ANKRD28: variants seen among roughly 807,000 people sequenced by gnomAD.
The protein encoded by ANKRD28 is ankyrin repeat domain 28, also known as serine/threonine-protein phosphatase 6 regulatory ankyrin repeat subunit A.
A neutral mutation model predicts 126.5 loss-of-function variants in ANKRD28; 44 were observed. The observed-to-expected ratio is 0.35, with a 90% CI of 0.27 to 0.45. ANKRD28 has a LOEUF of 0.45. Ranked by LOEUF, ANKRD28 falls within the 20% of genes least tolerant of loss-of-function variation. The probability of loss-of-function intolerance (pLI) is 1.00; values close to 1 mark genes in which losing one functional copy is unlikely to be tolerated. For synonymous variants in ANKRD28, 442 were observed against 468.5 expected, an observed-to-expected ratio of 0.94 and a Z score of 0.73; for missense variants, 1,110 against 1,316.6, an observed-to-expected ratio of 0.84 and a Z score of 2.43.
chr3:15,729,559 A>C (rs2074423553), intron 6 of ANKRD28, among the ~76,000 whole-genome samples: 1 of 152,242 alleles, frequency 6.6e-6, no homozygotes, highest in Non-Finnish European at 1.5e-5. Flanking sequence ...CAAGGCCAAG[A>C]GCAGCATAGA....
At chr3:15,697,317 T>C (rs569199445) in intron 14 of ANKRD28, 1 of 152,924 alleles carries the variant, frequency 6.5e-6, no homozygotes, top group African/African-American at 2.4e-5. Context: ...TATGTAGTCT[T>C]TTATCCATCA....
intron 4 of ANKRD28, among the ~76,000 whole-genome samples, chr3:15,745,568 A>G (rs757907784): frequency 6.6e-6 from 1 of 152,032 alleles, no homozygotes; most frequent in African/African-American, 2.4e-5. Flanking sequence ...ATTGCTCTAT[A>G]TATCTATTTT....
intron 4 of ANKRD28, 59 bp from the exon 5 acceptor site, chr3:15,737,292 T>C (rs2075080569): frequency 1.4e-6 from 2 of 1,435,582 alleles, no homozygotes; most frequent in Non-Finnish European, 1.9e-6. Flanking sequence ...AAATTATTTC[T>C]ATATATAGTG....
At chr3:15,767,045 T>C (rs2058772354) in intron 2 of ANKRD28, among the ~76,000 whole-genome samples, 1 of 152,188 alleles carries the variant, frequency 6.6e-6, no homozygotes, top group Non-Finnish European at 1.5e-5. Context: ...AATTTTAAGT[T>C]TTTTCTTAAC....
Position 15,700,642 on chromosome 3 carries a change from C to T in ANKRD28, c.1548-4397G>A, listed in dbSNP as rs146421501. On this transcript the variant is annotated intron_variant, in intron 14 of 27. Transcript: ENST00000683139. ...TACAAAAATTAGCTGGGTGTGGTGG[C>T]GGGCGCCTGTAGTCCCAGCTACTCG... is the stretch of plus-strand genomic sequence containing the variant. 1.4e-3 allele frequency among the ~76,000 whole-genome samples: 206 copies of T among 151,942 alleles called. 1 individual carries two copies. Among genetic ancestry groups the T allele is most frequent in the Non-Finnish European group, 1.6e-3 (108 of 67,940 alleles).
intron 4 of ANKRD28, among the ~76,000 whole-genome samples, chr3:15,742,365 T>C (rs1187627430): frequency 6.8e-6 from 1 of 146,920 alleles, no homozygotes; most frequent in Non-Finnish European, 1.5e-5. Flanking sequence ...TCGTCTGAGA[T>C]GTGGGGAGCG....
At chr3:15,834,076 T>G (rs989592029) in intron 1 of ANKRD28, among the ~76,000 whole-genome samples, 1 of 152,174 alleles carries the variant, frequency 6.6e-6, no homozygotes, top group Non-Finnish European at 1.5e-5. Context: ...TGTGAAAGCT[T>G]TTTTAAAATT....
intron 1 of ANKRD28, among the ~76,000 whole-genome samples, chr3:15,818,271 T>C (rs995507969): frequency 6.6e-6 from 1 of 152,182 alleles, no homozygotes; most frequent in Admixed American, 6.5e-5. Context: ...CAATTCAAAA[T>C]CTGAAATGCT....
At chr3:15,736,916 A>G (rs988274721) in intron 5 of ANKRD28, 117 bp downstream of exon 5, 13 of 1,110,544 alleles carry the variant, frequency 1.2e-5, no homozygotes, top group Non-Finnish European at 1.7e-5. Context: ...AAATTAGACA[A>G]AAATGAGAAA....
intron 2 of ANKRD28, among the ~76,000 whole-genome samples, chr3:15,777,866 A>G (rs1250178358): frequency 7.8e-6 from 1 of 128,636 alleles, no homozygotes; most frequent in African/African-American, 2.7e-5. Context: ...ACACACACAC[A>G]CACACACACA....
At chr3:15,768,661 G>A (rs189705133) in intron 2 of ANKRD28, among the ~76,000 whole-genome samples, 134 of 151,906 alleles carry the variant, frequency 8.8e-4, no homozygotes, top group Non-Finnish European at 1.5e-3. Context: ...GGCGGGGGGC[G>A]GCGGTGGGGC....
intron 13 of ANKRD28, among the ~76,000 whole-genome samples, chr3:15,708,764 T>G (rs1373824214): frequency 6.6e-6 from 1 of 152,214 alleles, no homozygotes; most frequent in Non-Finnish European, 1.5e-5. Flanking sequence ...AATTATGGTG[T>G]CAAATAGTTT....
At chr3:15,851,568 T>C (rs573878685) in intron 1 of ANKRD28, among the ~76,000 whole-genome samples, 32 of 150,050 alleles carry the variant, frequency 2.1e-4, no homozygotes, top group African/African-American at 7.6e-4. Flanking sequence ...AATAAATAAA[T>C]AAATAAATAA....
chr3:15,805,653 C>T (rs1043191760), intron 1 of ANKRD28, among the ~76,000 whole-genome samples: 2 of 152,012 alleles, frequency 1.3e-5, no homozygotes, highest in African/African-American at 4.8e-5. Flanking sequence ...TTTTGCCCTT[C>T]TTAAAAAAAG....
At chr3:15,847,819 T>C (rs531535386) in intron 1 of ANKRD28, among the ~76,000 whole-genome samples, 1 of 152,348 alleles carries the variant, frequency 6.6e-6, no homozygotes, top group Non-Finnish European at 1.5e-5. Context: ...CTATATTCTA[T>C]ACTATCTTCC....
At chr3:15,768,710 C>A (rs868858450) in intron 2 of ANKRD28, among the ~76,000 whole-genome samples, 2 of 152,078 alleles carry the variant, frequency 1.3e-5, no homozygotes, top group Non-Finnish European at 1.5e-5. Context: ...TATCACTGGT[C>A]TCTTCAAACA....
chr3:15,769,651 T>C (rs935999490), intron 2 of ANKRD28, among the ~76,000 whole-genome samples: 10 of 152,276 alleles, frequency 6.6e-5, no homozygotes, highest in African/African-American at 2.2e-4. Flanking sequence ...ATAGATGACT[T>C]TGGCACATTA....
chr3:15,709,404 AG>A (rs532525520), intron 13 of ANKRD28, among the ~76,000 whole-genome samples: 1 of 151,854 alleles, frequency 6.6e-6, no homozygotes, highest in South Asian at 2.1e-4. Context: ...TAATTTTTGG[AG>A]GGGGGGAAGT....
chr3:15,721,700 A>T (rs993555297), intron 7 of ANKRD28, among the ~76,000 whole-genome samples: 2 of 152,220 alleles, frequency 1.3e-5, no homozygotes, highest in African/African-American at 2.4e-5. Flanking sequence ...TCACAAGTAA[A>T]AAGAGTATGC....
Sources: gnomAD v4.1 joint callset for allele counts (sites outside exome capture counted in the v4.1 genomes callset) on GRCh38, gnomAD v4.1.1 for gene constraint, MANE v1.5 for transcripts, NCBI Gene and HGNC (gene_info 2026-07-23, HGNC 2026-07-21) for gene names.